The following LEKR1 variants were observed in gnomAD, a reference collection of about 807,000 sequenced individuals.
LEKR1 encodes protein LEKR1.
Under a neutral mutation model 72.4 loss-of-function variants are expected in LEKR1, and 59 were observed. The observed-to-expected ratio is 0.82, with a 90% CI of 0.66 to 1.01. The LOEUF is 1.01. LEKR1 is among the 50% of genes least tolerant of loss of function. The pLI is 0.00. For synonymous variants in LEKR1, 257 were observed against 263.2 expected, an observed-to-expected ratio of 0.98 and a Z score of 0.23; for missense variants, 728 against 759.2, an observed-to-expected ratio of 0.96 and a Z score of 0.48.
intron 3 of LEKR1, among the ~76,000 whole-genome samples, chr3:156,887,655 TC>T (rs925838974): frequency 2.6e-5 from 4 of 152,126 alleles, no homozygotes; most frequent in African/African-American, 9.7e-5. Context: ...AAACAAGAAT[TC>T]ATATAGTAAT....
At chr3:156,871,272 C>T (rs963527357) in intron 3 of LEKR1, among the ~76,000 whole-genome samples, 2 of 152,094 alleles carry the variant, frequency 1.3e-5, no homozygotes, top group African/African-American at 4.8e-5. Context: ...CATGTCCCTA[C>T]AAAGGACATG....
intron 2 of LEKR1, among the ~76,000 whole-genome samples, chr3:156,831,759 A>G (rs1004798900): frequency 2.2e-4 from 34 of 152,176 alleles, no homozygotes; most frequent in African/African-American, 7.5e-4. Flanking sequence ...ATCTCCCACC[A>G]GGTCCCCCTC....
chr3:156,872,506 T>G (rs78270652), intron 3 of LEKR1, among the ~76,000 whole-genome samples: 1 of 152,252 alleles, frequency 6.6e-6, no homozygotes, highest in Non-Finnish European at 1.5e-5. Flanking sequence ...TTGCTCTTGC[T>G]TTTCTAGTTC....
intron 12 of LEKR1, among the ~76,000 whole-genome samples, chr3:157,029,862 A>G (rs138154989): frequency 2.1e-4 from 32 of 152,320 alleles, no homozygotes; most frequent in African/African-American, 7.7e-4. Context: ...ATTCATTCAC[A>G]AAAGAAATGG....
intron 3 of LEKR1, among the ~76,000 whole-genome samples, chr3:156,886,628 C>G (rs1192099161): frequency 6.6e-6 from 1 of 152,162 alleles, no homozygotes; most frequent in East Asian, 1.9e-4. Context: ...AAGACACTTC[C>G]CACTGCTACT....
rs116848327 is a variant in LEKR1 at position 156,878,945 on chromosome 3, C to A, written c.263+25963C>A. ...CATGTAAGATGTGCCTTTTGCCTTT[C>A]GCTGTGATTAAACAGTCCATTAAAC... On this transcript the variant is annotated intron_variant, in intron 3 of 12. Transcript: ENST00000356539. Among the ~76,000 whole-genome samples, 7 of 152,210 alleles carry A rather than the reference C, an allele frequency of 4.6e-5. No individual in the cohort carries two copies. The East Asian group carries it at 1.4e-3, about 29-fold the overall frequency.
At chr3:156,901,923 A>T (rs931165504) in intron 3 of LEKR1, among the ~76,000 whole-genome samples, 1 of 152,172 alleles carries the variant, frequency 6.6e-6, no homozygotes, top group Non-Finnish European at 1.5e-5. Context: ...TGACCTTGTG[A>T]TCCAAACGCC....
At chr3:156,974,648 CA>C (rs1401398142) in intron 6 of LEKR1, among the ~76,000 whole-genome samples, 5 of 152,100 alleles carry the variant, frequency 3.3e-5, no homozygotes, top group African/African-American at 1.2e-4. Flanking sequence ...GCACATAGAA[CA>C]GAGTTGATTA....
At chr3:156,863,442 A>G (rs1716986113) in intron 3 of LEKR1, among the ~76,000 whole-genome samples, 2 of 152,004 alleles carry the variant, frequency 1.3e-5, no homozygotes, top group South Asian at 4.2e-4. Context: ...GCCTGAACAA[A>G]CAAGTCAGAT....
intron 4 of LEKR1, among the ~76,000 whole-genome samples, chr3:156,921,586 C>T (rs1019028747): frequency 2.0e-5 from 3 of 152,088 alleles, no homozygotes; most frequent in Non-Finnish European, 4.4e-5. Flanking sequence ...TCAGAAATCC[C>T]CTTGATCCTT....
At chr3:156,849,904 A>G (rs1576659225) in intron 2 of LEKR1, among the ~76,000 whole-genome samples, 1 of 152,378 alleles carries the variant, frequency 6.6e-6, no homozygotes, top group East Asian at 1.9e-4. Flanking sequence ...CAAAATTGAC[A>G]AATGGGATCT....
chr3:156,927,706 T>G, intron 5 of LEKR1, 102 bp downstream of exon 5: 1 of 407,486 alleles, frequency 2.5e-6, no homozygotes, highest in Non-Finnish European at 4.0e-6. Context: ...GGAATTAGGA[T>G]TAACTTTGTT....
chr3:156,853,302 T>G, intron 3 of LEKR1: 1 of 172,890 alleles, frequency 5.8e-6, no homozygotes. Context: ...TCAGATTAAT[T>G]TTGGTAGTTT....
chr3:156,841,945 G>A (rs552359274), intron 2 of LEKR1, among the ~76,000 whole-genome samples: 3 of 152,282 alleles, frequency 2.0e-5, no homozygotes, highest in Admixed American at 6.5e-5. Context: ...GAGCATTACC[G>A]TCTGAGCTCT....
chr3:156,855,627 G>A (rs1354743795), intron 3 of LEKR1, among the ~76,000 whole-genome samples: 1 of 152,018 alleles, frequency 6.6e-6, no homozygotes, highest in African/African-American at 2.4e-5. Context: ...TCCTGTGCCA[G>A]GTTCTGGTTG....
chr3:156,927,560 C>A lies in LEKR1; in HGVS notation c.515C>A (p.Ala172Glu). The A allele has an allele frequency of 2.4e-6, 3 of 1,239,224 alleles. No individual in the cohort carries two copies. The highest frequency in any genetic ancestry group is 1.6e-5 in the African/African-American group (1 of 62,370). 76.8% of individuals were successfully genotyped at this position (1,239,224 alleles called of 1,614,324 possible). A position where few individuals can be genotyped will look rare whatever the true frequency, so the allele number is the denominator to read the frequency against. ...NYQNWTSLKG[A>E]VFLQIKSISE... is the part of the protein sequence containing the mutation. ...CAAAACTGGACTTCATTGAAAGGAGCAGTTTTTCTACAAATTAAATCTATA... is the reference window on the plus strand; with the variant it reads ...CAAAACTGGACTTCATTGAAAGGAGAAGTTTTTCTACAAATTAAATCTATA... Residue 172 changes from alanine to glutamate, a missense_variant, in exon 5 of 13, where the codon GCA becomes GAA. Physicochemically the swap from Ala to Glu is moderately radical, Grantham distance 107 (BLOSUM62 -1). Coordinates refer to ENST00000356539, the MANE Select transcript of LEKR1 (RefSeq NM_001004316.3).
At chr3:156,859,615 A>G (rs1716519558) in intron 3 of LEKR1, among the ~76,000 whole-genome samples, 1 of 152,218 alleles carries the variant, frequency 6.6e-6, no homozygotes, top group Non-Finnish European at 1.5e-5. Context: ...TATATAGTTT[A>G]CATTACGTTT....
At chr3:156,998,952 A>C (rs1482866) in intron 9 of LEKR1, among the ~76,000 whole-genome samples, 77,663 of 151,932 alleles carry the variant, frequency 0.51, 22,794 homozygotes, top group South Asian at 0.78. Flanking sequence ...CATGGGAGGG[A>C]CCCAGTGGTG....
intron 5 of LEKR1, among the ~76,000 whole-genome samples, chr3:156,937,308 T>A (rs1576859064): frequency 2.6e-5 from 4 of 152,238 alleles, no homozygotes; most frequent in Admixed American, 1.3e-4. Context: ...GTAGAATATA[T>A]AAATAACTCC....
Sources: allele counts gnomAD v4.1 joint callset (sites outside exome capture counted in the v4.1 genomes callset), GRCh38; gene constraint gnomAD v4.1.1; transcripts MANE v1.5; gene names NCBI Gene and HGNC (gene_info 2026-07-23, HGNC 2026-07-21).